COL21A1: variants seen among roughly 807,000 people sequenced by gnomAD.
COL21A1 encodes collagen alpha-1(XXI) chain.
Under a neutral mutation model 137.9 loss-of-function variants are expected in COL21A1, and 149 were observed. The ratio of observed to expected loss-of-function variants is 1.08; its 90% CI spans 0.95 to 1.24. COL21A1 has a LOEUF of 1.24. Among genes scored for constraint, COL21A1 ranks in the 50% most tolerant of loss-of-function variants. COL21A1 has a pLI of 0.00. For synonymous variants in COL21A1, 456 were observed against 391.5 expected, an observed-to-expected ratio of 1.16 and a Z score of -1.95; for missense variants, 1,167 against 1,158.4, an observed-to-expected ratio of 1.01 and a Z score of -0.11.
rs1440341043 is a variant in COL21A1 at position 56,168,213 on chromosome 6, C to A, written c.1111G>T (p.Glu371Ter). Residue 371 changes from glutamate to a stop codon, truncating the protein, a stop_gained, in exon 6 of 30, where the codon GAA (glutamate) becomes TAA (stop). Coordinates refer to ENST00000244728, the MANE Select transcript of COL21A1 (RefSeq NM_030820.4). LOFTEE classifies it high-confidence loss of function. ...AAAACTGGATGTAAGGGCTTGTTTT[C>A]AATTTGTTGGTCATCAATATACAAA... ...VTLYIDDQQI[E>*]NKPLHPVLGI... is the part of the protein sequence containing the mutation. 1 of 1,568,986 alleles carries A rather than the reference C, an allele frequency of 6.4e-7. No individual in the cohort carries two copies. Among genetic ancestry groups the A allele is most frequent in the East Asian group, 2.3e-5 (1 of 43,798 alleles).
chr6:56,105,485 G>A (rs948217775), intron 16 of COL21A1, among the ~76,000 whole-genome samples: 2 of 152,086 alleles, frequency 1.3e-5, no homozygotes, highest in Admixed American at 6.6e-5. Context: ...GGCAAAATGA[G>A]TATTTTTAAA....
chr6:56,254,131 A>G (rs1057167338), intron 1 of COL21A1, among the ~76,000 whole-genome samples: 1 of 152,202 alleles, frequency 6.6e-6, no homozygotes, highest in African/African-American at 2.4e-5. Context: ...TCATATTTTT[A>G]TCTTAGGGCT....
At chr6:56,259,676 C>T (rs953665146) in intron 1 of COL21A1, among the ~76,000 whole-genome samples, 3 of 152,194 alleles carry the variant, frequency 2.0e-5, no homozygotes, top group African/African-American at 7.2e-5. Context: ...TTGGCAGTAT[C>T]TTTCAAATGT....
At chr6:56,276,460 T>G in intron 1 of COL21A1, 3 of 673,746 alleles carry the variant, frequency 4.5e-6, no homozygotes, top group Non-Finnish European at 2.5e-6. Context: ...CTTTCTAATG[T>G]AAAAATACAT....
At chr6:56,218,972 T>C (rs1780653332) in intron 1 of COL21A1, among the ~76,000 whole-genome samples, 1 of 152,026 alleles carries the variant, frequency 6.6e-6, no homozygotes. Context: ...TCGTTCGGCA[T>C]TTGAAGCAAA....
At chr6:56,337,579 C>T (rs1285461276) in intron 1 of COL21A1, among the ~76,000 whole-genome samples, 1 of 152,178 alleles carries the variant, frequency 6.6e-6, no homozygotes, top group African/African-American at 2.4e-5. Context: ...ATATTGAGGC[C>T]CATCTTGGGC....
intron 10 of COL21A1, among the ~76,000 whole-genome samples, chr6:56,143,587 T>C (rs1774601056): frequency 6.6e-6 from 1 of 152,202 alleles, no homozygotes; most frequent in African/African-American, 2.4e-5. Context: ...GATTTCTCCA[T>C]GACTTCTCAG....
Position 56,194,930 on chromosome 6 carries a change from G to A in COL21A1, c.-38-12274C>T, listed in dbSNP as rs1005908386. 2.6e-5 allele frequency among the ~76,000 whole-genome samples: 4 copies of A among 152,138 alleles called. No homozygotes were observed. The South Asian group carries it at 6.2e-4, about 24-fold the overall frequency. On this transcript the variant is annotated intron_variant, in intron 1 of 29. Transcript: ENST00000244728. ...TGGGTCATGAGGGCTCTGCCTTTTC[G>A]AATGGGTTAATCCATTCACAGATTA...
At chr6:56,093,401 C>G (rs151072765) in intron 17 of COL21A1, among the ~76,000 whole-genome samples, 107 of 152,246 alleles carry the variant, frequency 7.0e-4, no homozygotes, top group Admixed American at 9.2e-4. Flanking sequence ...TATGATCCAT[C>G]CTAGGACAAT....
intron 2 of COL21A1, 32 bp from the exon 3 acceptor site, chr6:56,180,161 C>T: frequency 6.5e-7 from 1 of 1,530,726 alleles, no homozygotes; most frequent in Non-Finnish European, 8.8e-7. Flanking sequence ...CATAGCACAT[C>T]TTTTATATAA....
chr6:56,067,914 C>T (rs933205876), intron 22 of COL21A1, among the ~76,000 whole-genome samples: 4 of 151,548 alleles, frequency 2.6e-5, no homozygotes, highest in Non-Finnish European at 5.9e-5. Flanking sequence ...AGTTAAGCAC[C>T]TGCCCAAAGC....
chr6:56,341,016 A>G (rs1299993249), intron 1 of COL21A1, among the ~76,000 whole-genome samples: 2 of 152,206 alleles, frequency 1.3e-5, no homozygotes. Context: ...ACATACTTCC[A>G]GGACATGATA....
At chr6:56,383,732 G>A (rs2094012652) in intron 1 of COL21A1, among the ~76,000 whole-genome samples, 1 of 152,112 alleles carries the variant, frequency 6.6e-6, no homozygotes, top group South Asian at 2.1e-4. Context: ...AATTGACCCA[G>A]GTTTTTGGCT....
At chr6:56,384,034 C>T (rs1456472682) in intron 1 of COL21A1, among the ~76,000 whole-genome samples, 2 of 152,128 alleles carry the variant, frequency 1.3e-5, no homozygotes, top group African/African-American at 4.8e-5. Flanking sequence ...TAGCCCCCTT[C>T]GCACTAATTT....
chr6:56,392,507 G>C (rs184380512), intron 1 of COL21A1, among the ~76,000 whole-genome samples: 1 of 152,202 alleles, frequency 6.6e-6, no homozygotes, highest in East Asian at 1.9e-4. Context: ...AATCAGACAA[G>C]AGAACAAAAT....
chr6:56,345,661 C>T (rs975562495), intron 1 of COL21A1, among the ~76,000 whole-genome samples: 3 of 152,162 alleles, frequency 2.0e-5, no homozygotes, highest in Admixed American at 6.5e-5. Flanking sequence ...TCTTTCTTCC[C>T]CCAAAATGCC....
chr6:56,358,073 G>A (rs1354404584), intron 1 of COL21A1, among the ~76,000 whole-genome samples: 1 of 152,076 alleles, frequency 6.6e-6, no homozygotes, highest in Non-Finnish European at 1.5e-5. Context: ...TATATACAAT[G>A]ACATTCTATG....
At chr6:56,231,571 T>A (rs555723199) in intron 1 of COL21A1, among the ~76,000 whole-genome samples, 4 of 151,960 alleles carry the variant, frequency 2.6e-5, no homozygotes, top group Admixed American at 6.6e-5. Flanking sequence ...AATTTGAGAA[T>A]CTCTTCCATT....
chr6:56,131,817 AAT>A (rs1773575734), intron 12 of COL21A1, among the ~76,000 whole-genome samples: 1 of 152,160 alleles, frequency 6.6e-6, no homozygotes, highest in African/African-American at 2.4e-5. Context: ...GTTATTATAT[AAT>A]ACCACAGGAA....
Sources: allele counts gnomAD v4.1 joint callset (sites outside exome capture counted in the v4.1 genomes callset), GRCh38; gene constraint gnomAD v4.1.1; transcripts MANE v1.5; gene names NCBI Gene and HGNC (gene_info 2026-07-23, HGNC 2026-07-21).